LINC00632: variants seen among roughly 807,000 people sequenced by gnomAD.
The protein encoded by LINC00632 is long independently transcribed non-coding RNA 632.
At chrX:140,762,346 C>A (rs748109696) in intron 3 of LINC00632, among the ~76,000 whole-genome samples, 3 of 111,096 alleles carry the variant, frequency 2.7e-5, no homozygotes, top group Admixed American at 9.6e-5. Flanking sequence ...TGTGAAGCAG[C>A]GTAGCAATGG....
chrX:140,785,869 C>T (rs1452822167), exon 5 of LINC00632, among the ~76,000 whole-genome samples: 1 of 111,734 alleles, frequency 8.9e-6, no homozygotes, highest in Non-Finnish European at 1.9e-5. Flanking sequence ...GAGCACTTAC[C>T]ATTAGTTTGT....
At chrX:140,736,353 G>C (rs1014002265) in intron 3 of LINC00632, among the ~76,000 whole-genome samples, 1 of 107,907 alleles carries the variant, frequency 9.3e-6, no homozygotes, top group South Asian at 4.0e-4. Context: ...AATTGACTAA[G>C]AATAGCATAT....
At chrX:140,722,019 G>C (rs1055862624) in intron 2 of LINC00632, among the ~76,000 whole-genome samples, 4 of 110,909 alleles carry the variant, frequency 3.6e-5, no homozygotes, top group African/African-American at 1.3e-4. Context: ...ACACAGTAAT[G>C]GCCCACAGCC....
chrX:140,770,161 G>T (rs1175571829), intron 3 of LINC00632, among the ~76,000 whole-genome samples: 1 of 111,022 alleles, frequency 9.0e-6, no homozygotes, highest in African/African-American at 3.3e-5. Flanking sequence ...AGTAGGGGCT[G>T]GGTAAAATAA....
intron 3 of LINC00632, among the ~76,000 whole-genome samples, chrX:140,767,869 T>C (rs757660740): frequency 8.9e-6 from 1 of 111,976 alleles, no homozygotes; most frequent in South Asian, 3.8e-4. Flanking sequence ...TGCCCTTTTG[T>C]AAGGAATCCA....
chrX:140,745,966 G>C (rs930831017), intron 3 of LINC00632, among the ~76,000 whole-genome samples: 1 of 111,722 alleles, frequency 9.0e-6, no homozygotes, highest in African/African-American at 3.3e-5. Context: ...TCCCTCCCCA[G>C]CCACAGTGTT....
intron 2 of LINC00632, among the ~76,000 whole-genome samples, chrX:140,724,835 ACACG>A (rs1930896966): frequency 3.6e-5 from 1 of 27,930 alleles, no homozygotes; most frequent in African/African-American, 1.4e-4. Flanking sequence ...CACACATTCC[ACACG>A]CACACACATT....
chrX:140,754,054 G>A (rs746934036), intron 3 of LINC00632, among the ~76,000 whole-genome samples: 4 of 111,539 alleles, frequency 3.6e-5, no homozygotes, highest in East Asian at 5.7e-4. Flanking sequence ...GATTACAAGC[G>A]CGGGCCACCG....
intron 3 of LINC00632, among the ~76,000 whole-genome samples, chrX:140,759,026 A>G (rs181757946): frequency 0.043 from 4,102 of 94,436 alleles, 227 homozygotes; most frequent in African/African-American, 0.16. Context: ...GTGCAATGGC[A>G]TGATCTCGGC....
At chrX:140,758,934 A>ATTTAT (rs929707100) in intron 3 of LINC00632, among the ~76,000 whole-genome samples, 2 of 96,038 alleles carry the variant, frequency 2.1e-5, no homozygotes, top group African/African-American at 3.8e-5. Context: ...AGCTTCTTTC[A>ATTTAT]TTTATTTTAT....
At chrX:140,724,356 T>C (rs764402134) in intron 2 of LINC00632, among the ~76,000 whole-genome samples, 6 of 6,529 alleles carry the variant, frequency 9.2e-4, no homozygotes, top group Non-Finnish European at 3.3e-4. Context: ...TACACAGACA[T>C]GCATTCCATA....
At position 140,756,169 on chromosome X, in the gene LINC00632, AT is replaced by A. The variant is rs1156997376; in HGVS notation, n.192-15903del. 8.6e-4 allele frequency among the ~76,000 whole-genome samples: 96 copies of A among 112,129 alleles called. 1 individual carries two copies. Among genetic ancestry groups the A allele is most frequent in the African/African-American group, 2.9e-3 (91 of 30,987 alleles). On this transcript the variant is annotated intron_variant and non_coding_transcript_variant, in intron 3 of 4. Coordinates refer to ENST00000648200, the Ensembl canonical transcript of LINC00632. ...TTACATGGAGCCATGGATTTAGATT[AT>A]TTTTTGTGTCAGGTAAAGTTTGAAA...
intron 3 of LINC00632, among the ~76,000 whole-genome samples, chrX:140,761,722 G>A (rs1184686064): frequency 2.7e-5 from 3 of 112,544 alleles, no homozygotes; most frequent in African/African-American, 9.7e-5. Context: ...ATAACAACAT[G>A]TTTAGATAAA....
chrX:140,776,414 A>G (rs1055168600), exon 5 of LINC00632, among the ~76,000 whole-genome samples: 1 of 112,820 alleles, frequency 8.9e-6, no homozygotes, highest in African/African-American at 3.2e-5. Context: ...CCATCTATTG[A>G]AAGTGAGCCC....
chrX:140,730,690 C>A (rs1931042821), intron 2 of LINC00632, among the ~76,000 whole-genome samples: 1 of 111,571 alleles, frequency 9.0e-6, no homozygotes, highest in Admixed American at 9.6e-5. Flanking sequence ...CCATAATTCC[C>A]AGACTTGTTA....
At chrX:140,730,797 A>G (rs188979163) in intron 2 of LINC00632, among the ~76,000 whole-genome samples, 3 of 111,996 alleles carry the variant, frequency 2.7e-5, no homozygotes, top group Non-Finnish European at 5.6e-5. Flanking sequence ...GGACAAACTC[A>G]GTCAGTTACA....
At chrX:140,710,216 A>C (rs1569345812) in intron 1 of LINC00632, among the ~76,000 whole-genome samples, 1 of 112,318 alleles carries the variant, frequency 8.9e-6, no homozygotes, top group Non-Finnish European at 1.9e-5. Flanking sequence ...GGAGAGCATA[A>C]GAAAAATATT....
intron 3 of LINC00632, among the ~76,000 whole-genome samples, chrX:140,767,895 A>G (rs1379094500): frequency 8.9e-6 from 1 of 111,902 alleles, no homozygotes; most frequent in Non-Finnish European, 1.9e-5. Context: ...ATGAAATGCC[A>G]TTCCCATGAA....
chrX:140,773,895 C>T (rs1412760207), exon 4 of LINC00632, among the ~76,000 whole-genome samples: 1 of 112,142 alleles, frequency 8.9e-6, no homozygotes, highest in African/African-American at 3.2e-5. Context: ...GGCTTGGCAA[C>T]ATTTCTCCGT....
Sources: allele counts gnomAD v4.1 joint callset (sites outside exome capture counted in the v4.1 genomes callset), GRCh38; gene constraint gnomAD v4.1.1; transcripts MANE v1.5; gene names NCBI Gene and HGNC (gene_info 2026-07-23, HGNC 2026-07-21).